The following FBXW4 variants were observed in gnomAD, a reference collection of about 807,000 sequenced individuals.
The protein encoded by FBXW4 is F-box and WD repeat domain containing 4, also known as F-box/WD repeat-containing protein 4.
Under a neutral mutation model 61.8 loss-of-function variants are expected in FBXW4, and 40 were observed. That is an observed-to-expected ratio of 0.65 (90% CI 0.50 to 0.84). FBXW4 has a LOEUF of 0.84. Among genes scored for constraint, FBXW4 ranks in the 40% least tolerant of loss-of-function variants. The pLI, the probability that FBXW4 is intolerant of heterozygous loss-of-function variation, is 0.00. For missense variants in FBXW4, 672 were observed against 753.8 expected, an observed-to-expected ratio of 0.89 and a Z score of 1.27; for synonymous variants, 311 against 313.8, an observed-to-expected ratio of 0.99 and a Z score of 0.10.
rs2134933317 is a variant in FBXW4 at position 101,694,826 on chromosome 10, C to T, written c.280G>A (p.Gly94Arg). The T allele has an allele frequency of 7.6e-7, 1 of 1,307,864 alleles. No individual in the cohort carries two copies. The highest frequency in any genetic ancestry group is 1.5e-5 in the African/African-American group (1 of 64,840). 81.0% of individuals were successfully genotyped at this position (1,307,864 alleles called of 1,614,324 possible). ...ACTCCCTTGACGATGCCTCTCGCCCCTTCCTCCACGCTTCTGCCTCCCTCT... is the reference window on the plus strand; with the variant it reads ...ACTCCCTTGACGATGCCTCTCGCCCTTTCCTCCACGCTTCTGCCTCCCTCT... ...EAEGGRSVEE[G>R]ARGIVKGVEG... Residue 94 changes from glycine (G) to arginine (R), a missense_variant, in exon 1 of 9, where the codon GGG becomes AGG. Physicochemically the swap from Gly to Arg is moderately radical, Grantham distance 125. This residue lies in a region of FBXW4 where 311 missense variants were observed against 301.1 expected (regional missense o/e 1.03). Transcript: ENST00000331272. This position sits in a 1 kb window ranked among gnomAD's most constrained non-coding sequence, Gnocchi z 6.0.
At chr10:101,660,981 CAG>C (rs1416495333) in intron 5 of FBXW4, among the ~76,000 whole-genome samples, 1 of 151,952 alleles carries the variant, frequency 6.6e-6, no homozygotes, top group African/African-American at 2.4e-5. Context: ...GAGAGAAAGA[CAG>C]AGAGTGGAAG....
intron 5 of FBXW4, among the ~76,000 whole-genome samples, chr10:101,643,472 G>A (rs1251565515): frequency 6.6e-6 from 1 of 152,228 alleles, no homozygotes; most frequent in South Asian, 2.1e-4. Flanking sequence ...ACATGCAGCC[G>A]CGTTTGCTCC....
At chr10:101,689,691 G>C (rs911813833) in intron 1 of FBXW4, among the ~76,000 whole-genome samples, 1 of 152,198 alleles carries the variant, frequency 6.6e-6, no homozygotes, top group Non-Finnish European at 1.5e-5. Flanking sequence ...TCCATTCAGG[G>C]TTAGGAAACT....
At chr10:101,638,488 C>CA (rs781303866) in intron 5 of FBXW4, among the ~76,000 whole-genome samples, 2,135 of 79,386 alleles carry the variant, frequency 0.027, 43 homozygotes, top group East Asian at 0.16. Flanking sequence ...GGATGTCCTG[C>CA]AAAAAAAAAA....
intron 1 of FBXW4, among the ~76,000 whole-genome samples, chr10:101,686,416 C>A (rs990195299): frequency 1.3e-5 from 2 of 152,060 alleles, no homozygotes; most frequent in Admixed American, 1.3e-4. Flanking sequence ...TCAAGAATCC[C>A]ACAATACAAC....
Position 101,628,249 on chromosome 10 carries a change from C to T in FBXW4, c.1236-3439G>A, listed in dbSNP as rs769220826. ...GCTCAGAAAAGAAAGAAAATTCAAA[C>T]GGCTTTTGCCCTCAGTCCCATCTCT... On this transcript the variant is annotated intron_variant, in intron 5 of 8. Coordinates refer to ENST00000331272, the MANE Select transcript of FBXW4 (RefSeq NM_022039.4). Among the ~76,000 whole-genome samples, 17 of 152,202 alleles carry T rather than the reference C, an allele frequency of 1.1e-4. No homozygotes were observed. In the South Asian group the frequency reaches 1.5e-3, roughly 13 times the overall value.
At chr10:101,678,745 C>T (rs899852139) in intron 1 of FBXW4, among the ~76,000 whole-genome samples, 2 of 152,218 alleles carry the variant, frequency 1.3e-5, no homozygotes, top group South Asian at 4.2e-4. Context: ...CTCATTTATT[C>T]GAGCCTCTAC....
chr10:101,616,020 T>C (rs1176775064), intron 6 of FBXW4, among the ~76,000 whole-genome samples: 1 of 152,182 alleles, frequency 6.6e-6, no homozygotes, highest in Non-Finnish European at 1.5e-5. Flanking sequence ...TTTAACATAC[T>C]GAATTCCTGA....
At chr10:101,623,638 G>A (rs2063885028) in intron 6 of FBXW4, among the ~76,000 whole-genome samples, 1 of 152,206 alleles carries the variant, frequency 6.6e-6, no homozygotes, top group Non-Finnish European at 1.5e-5. Context: ...TGTACGTGTT[G>A]TAATAGCTTT....
At chr10:101,689,965 T>C (rs2134922936) in intron 1 of FBXW4, among the ~76,000 whole-genome samples, 1 of 152,312 alleles carries the variant, frequency 6.6e-6, no homozygotes, top group Middle Eastern at 3.4e-3. Context: ...AAATCTATCA[T>C]AGGCAAATGC....
chr10:101,618,403 C>T (rs2063842127), intron 6 of FBXW4, among the ~76,000 whole-genome samples: 1 of 152,146 alleles, frequency 6.6e-6, no homozygotes, highest in Non-Finnish European at 1.5e-5. Context: ...TCATTAGGCA[C>T]AGAGGGGGTA....
Position 101,611,371 on chromosome 10 carries a change from A to T in FBXW4, c.1624T>A (p.Tyr542Asn), listed in dbSNP as rs577315355. The change falls in exon 9 of 9, where the codon TAC becomes AAC. Residue 542 changes from tyrosine (Y) to asparagine (N), a missense_variant. Coordinates refer to ENST00000331272, the MANE Select transcript of FBXW4 (RefSeq NM_022039.4). This position sits in a 1 kb window ranked among gnomAD's most constrained non-coding sequence, Gnocchi z 4.9. ...TGCTTGGTGGTGAGACGCAGGCAGT[A>T]CACAGGGCTGCTGAGGGGAGTCGAC... ...LTSTPLSSPV[Y>N]CLRLTTKHLY... The T allele has an allele frequency of 6.2e-7, 1 of 1,614,138 alleles. No homozygotes were observed. Among genetic ancestry groups the T allele is most frequent in the Non-Finnish European group, 8.5e-7 (1 of 1,180,006 alleles).
At chr10:101,625,262 C>G (rs2063898766) in intron 5 of FBXW4, 1 of 190,464 alleles carries the variant, frequency 5.3e-6, no homozygotes, top group Non-Finnish European at 1.1e-5. Flanking sequence ...GAGGGGCATT[C>G]CTGAAGGTTT....
In FBXW4 at chr10:101,675,310, A is replaced by G. The variant is rs571603263; in HGVS notation, c.821+1031T>C. ...AGAGGGTGGGAATTTTTGTGTTTAG[A>G]GCCATCTGGTAAACAGCCATTTGCC... On this transcript the variant is annotated intron_variant, in intron 2 of 8. Transcript: ENST00000331272. Among the ~76,000 whole-genome samples the G allele has an allele frequency of 2.4e-4, 36 of 152,246 alleles. No individual in the cohort carries two copies. The East Asian group carries it at 2.7e-3, about 11-fold the overall frequency.
chr10:101,637,200 G>A (rs1178754510), intron 5 of FBXW4, among the ~76,000 whole-genome samples: 1 of 147,316 alleles, frequency 6.8e-6, no homozygotes, highest in Non-Finnish European at 1.5e-5. Context: ...TGGCTAACAT[G>A]GTGAAACCCC....
chr10:101,667,529 A>G (rs2064316560), intron 5 of FBXW4, among the ~76,000 whole-genome samples: 1 of 152,084 alleles, frequency 6.6e-6, no homozygotes, highest in Non-Finnish European at 1.5e-5. Context: ...TGGTGCTGTC[A>G]CCTCCGAGAG....
rs1164824051 is a variant in FBXW4 at position 101,673,004 on chromosome 10, C to T, written c.1051G>A (p.Val351Ile). ...GIHKIHSTFT[V>I]KYSAHEQEVN... ...TCCTGTTCATGAGCCGAGTACTTGA[C>T]AGTGAAGGTGCTGTGAATCTTATGA... The change falls in exon 4 of 9, where the codon GTC (valine) becomes ATC (isoleucine). Residue 351 changes from valine to isoleucine, a missense_variant. Physicochemically the swap from Val to Ile is conservative, Grantham distance 29 (BLOSUM62 3). Coordinates refer to ENST00000331272, the MANE Select transcript of FBXW4 (RefSeq NM_022039.4). 1 of 1,613,910 alleles carries T rather than the reference C, an allele frequency of 6.2e-7. No individual in the cohort carries two copies. Among genetic ancestry groups the T allele is most frequent in the Non-Finnish European group, 8.5e-7 (1 of 1,180,020 alleles).
At chr10:101,624,908 T>C (rs747833753) in intron 5 of FBXW4, 98 bp from the exon 6 acceptor site, 13 of 1,345,422 alleles carry the variant, frequency 9.7e-6, no homozygotes, top group African/African-American at 1.4e-5. Context: ...CCCTAGGGGA[T>C]TGTGGGTTAA....
intron 7 of FBXW4, among the ~76,000 whole-genome samples, chr10:101,612,094 T>C (rs1564899701): frequency 6.6e-6 from 1 of 152,236 alleles, no homozygotes; most frequent in Non-Finnish European, 1.5e-5. Flanking sequence ...TGAGTGACAG[T>C]ACCCTGACGG....
Sources: gnomAD v4.1 joint callset for allele counts (sites outside exome capture counted in the v4.1 genomes callset) on GRCh38, gnomAD v4.1.1 for gene constraint, gnomAD v4.1.1 regional missense constraint, Gnocchi (gnomAD v3.1) non-coding constraint, MANE v1.5 for transcripts, NCBI Gene and HGNC (gene_info 2026-07-23, HGNC 2026-07-21) for gene names.